The following FGF14 variants were observed in gnomAD, a reference collection of about 807,000 sequenced individuals.
FGF14 encodes fibroblast growth factor homologous factor 4.
In FGF14, 5 loss-of-function variants were observed where a neutral mutation model predicts 25.5. The observed-to-expected ratio is 0.20, with a 90% confidence interval of 0.10 to 0.41. FGF14 has a LOEUF of 0.41. Ranked by LOEUF, FGF14 falls within the 10% of genes least tolerant of loss-of-function variation. The pLI is 1.00. For synonymous variants in FGF14, 138 were observed against 118.3 expected, an observed-to-expected ratio of 1.17 and a Z score of -1.08; for missense variants, 222 against 320.1, an observed-to-expected ratio of 0.69 and a Z score of 2.34.
chr13:101,789,074 G>C (rs1040832387), intron 3 of FGF14, among the ~76,000 whole-genome samples: 1 of 151,380 alleles, frequency 6.6e-6, no homozygotes, highest in South Asian at 2.1e-4. Context: ...TTTCTTCAGG[G>C]ATTTATTAGC....
chr13:102,148,995 T>C (rs562548513), intron 1 of FGF14, among the ~76,000 whole-genome samples: 1 of 152,234 alleles, frequency 6.6e-6, no homozygotes, highest in South Asian at 2.1e-4. Context: ...CATATTAGGA[T>C]ATGCATACAT....
At chr13:102,222,212 G>C (rs1566832598) in intron 1 of FGF14, among the ~76,000 whole-genome samples, 1 of 152,054 alleles carries the variant, frequency 6.6e-6, no homozygotes, top group Non-Finnish European at 1.5e-5. Flanking sequence ...AGGGTTTTTC[G>C]AGGACTTTGT....
At chr13:102,030,930 G>A (rs755068090) in intron 1 of FGF14, among the ~76,000 whole-genome samples, 31 of 152,176 alleles carry the variant, frequency 2.0e-4, no homozygotes, top group Admixed American at 2.6e-4. Flanking sequence ...GAAATATTAA[G>A]ATCCATGTTA....
At chr13:101,880,365 C>G (rs1031310259) in intron 1 of FGF14, among the ~76,000 whole-genome samples, 1 of 151,968 alleles carries the variant, frequency 6.6e-6, no homozygotes, top group Admixed American at 6.6e-5. Context: ...TTCAGGAGTT[C>G]GAGACCAGCC....
In FGF14 at chr13:102,117,592, C is replaced by A. The variant is rs533542394; in HGVS notation, c.209-242296G>T. ...GAGGCATTGTTTATAATAGGAGAAG[C>A]CAGGAAACAACTCAAGGGTTCATCC... On this transcript the variant is annotated intron_variant, in intron 1 of 4. Transcript: ENST00000376131. 9.9e-5 allele frequency among the ~76,000 whole-genome samples: 15 copies of A among 152,188 alleles called. 1 individual carries two copies. Among genetic ancestry groups the A allele is most frequent in the African/African-American group, 3.6e-4 (15 of 41,540 alleles).
intron 3 of FGF14, among the ~76,000 whole-genome samples, chr13:101,795,206 C>T (rs184043906): frequency 7.9e-4 from 121 of 152,238 alleles, no homozygotes; most frequent in Admixed American, 2.2e-3. Flanking sequence ...TGGCTGCATT[C>T]CAATAAAGCT....
In FGF14 at chr13:102,296,353, G is replaced by A. The variant is rs546069539; in HGVS notation, c.208+105118C>T. Among the ~76,000 whole-genome samples the A allele has an allele frequency of 1.9e-3, 293 of 152,148 alleles. 2 individuals carry two copies. Among genetic ancestry groups the A allele is most frequent in the African/African-American group, 6.4e-3 (267 of 41,508 alleles). On this transcript the variant is annotated intron_variant, in intron 1 of 4. Transcript: ENST00000376131. ...GAAAAGTATAAGATTTTGAGTTATCGTGGTTTGCAGCTTGGTGCACAAAAC... is the reference window on the plus strand; with the variant it reads ...GAAAAGTATAAGATTTTGAGTTATCATGGTTTGCAGCTTGGTGCACAAAAC...
At chr13:101,724,431 C>A (rs8002156) in intron 4 of FGF14, among the ~76,000 whole-genome samples, 6 of 146,206 alleles carry the variant, frequency 4.1e-5, no homozygotes, top group Non-Finnish European at 6.0e-5. Flanking sequence ...ATCACACACA[C>A]GGGCCTGTTG....
chr13:102,170,877 C>A (rs1208011273), intron 1 of FGF14, among the ~76,000 whole-genome samples: 1 of 152,126 alleles, frequency 6.6e-6, no homozygotes, highest in Non-Finnish European at 1.5e-5. Flanking sequence ...TTTTCATCTA[C>A]ATTTTCAACC....
At chr13:102,188,482 C>T (rs2048960719) in intron 1 of FGF14, among the ~76,000 whole-genome samples, 1 of 152,176 alleles carries the variant, frequency 6.6e-6, no homozygotes, top group South Asian at 2.1e-4. Flanking sequence ...TATGTGCCAG[C>T]AGGCTAAATA....
intron 1 of FGF14, among the ~76,000 whole-genome samples, chr13:102,098,500 TTAA>T (rs2044511412): frequency 6.6e-6 from 1 of 152,250 alleles, no homozygotes; most frequent in African/African-American, 2.4e-5. Flanking sequence ...TTTACAGCTA[TTAA>T]TAATTTACTC....
intron 3 of FGF14, among the ~76,000 whole-genome samples, chr13:101,832,993 T>C (rs1050961815): frequency 6.6e-6 from 1 of 152,074 alleles, no homozygotes; most frequent in South Asian, 2.1e-4. Context: ...CCGGATCTCT[T>C]TGACATCACA....
chr13:101,969,179 T>G (rs2037433741), intron 1 of FGF14, among the ~76,000 whole-genome samples: 1 of 152,336 alleles, frequency 6.6e-6, no homozygotes, highest in South Asian at 2.1e-4. Context: ...GTGCCAGCAC[T>G]TAGCTCATAG....
At chr13:102,015,942 A>C (rs1007946628) in intron 1 of FGF14, among the ~76,000 whole-genome samples, 1 of 152,168 alleles carries the variant, frequency 6.6e-6, no homozygotes, top group Non-Finnish European at 1.5e-5. Context: ...AATACTCTCC[A>C]AAATTTAATG....
At chr13:101,903,238 G>GGTGT (rs3065974) in intron 1 of FGF14, among the ~76,000 whole-genome samples, 39,186 of 149,418 alleles carry the variant, frequency 0.26, 5,352 homozygotes, top group East Asian at 0.44. Context: ...CTCTAATTGT[G>GGTGT]GTGTGTGTGT....
chr13:102,389,356 A>G (rs2058379415), intron 1 of FGF14, among the ~76,000 whole-genome samples: 1 of 152,240 alleles, frequency 6.6e-6, no homozygotes, highest in Admixed American at 6.5e-5. Flanking sequence ...GATCGATTTT[A>G]AGATAATTTC....
At position 101,813,015 on chromosome 13, in the gene FGF14, G is replaced by A. The variant is rs529183412; in HGVS notation, c.408+55710C>T. Among the ~76,000 whole-genome samples the A allele has an allele frequency of 4.6e-5, 7 of 152,080 alleles. No individual in the cohort carries two copies. In the South Asian group the frequency reaches 1.0e-3, roughly 23 times the overall value. ...CTTTCCTTAGCAATCCTATACTTTT[G>A]TGCATTTCAAAATGCTTTCTTTAAA... On this transcript the variant is annotated intron_variant, in intron 3 of 4. Transcript: ENST00000376143.
At chr13:101,864,974 A>G (rs768158492) in intron 3 of FGF14, among the ~76,000 whole-genome samples, 1 of 152,152 alleles carries the variant, frequency 6.6e-6, no homozygotes, top group Non-Finnish European at 1.5e-5. Flanking sequence ...GGGGCAGACT[A>G]GGAGAGATTA....
At chr13:101,984,110 G>T (rs2038425808) in intron 1 of FGF14, among the ~76,000 whole-genome samples, 1 of 152,056 alleles carries the variant, frequency 6.6e-6, no homozygotes, top group Admixed American at 6.6e-5. Context: ...CCACTGCTGT[G>T]GGAACTAAAC....
Sources: allele counts gnomAD v4.1 joint callset (sites outside exome capture counted in the v4.1 genomes callset), GRCh38; gene constraint gnomAD v4.1.1; transcripts MANE v1.5; gene names NCBI Gene and HGNC (gene_info 2026-07-23, HGNC 2026-07-21).